Variants in NT5DC3 observed in about 807,000 individuals in gnomAD.
NT5DC3 encodes 5'-nucleotidase domain containing 3, also known as 5'-nucleotidase domain-containing protein 3.
A neutral mutation model predicts 67.8 loss-of-function variants in NT5DC3; 42 were observed. The observed-to-expected ratio is 0.62, with a 90% CI of 0.48 to 0.80. The LOEUF (loss-of-function observed/expected upper bound fraction) is 0.80, where lower values mean the gene tolerates loss of function less well. Ranked by LOEUF, NT5DC3 falls within the 30% of genes least tolerant of loss-of-function variation. NT5DC3 has a pLI of 0.00. For synonymous variants in NT5DC3, 237 were observed against 255.6 expected, an observed-to-expected ratio of 0.93 and a Z score of 0.69; for missense variants, 570 against 696.4, an observed-to-expected ratio of 0.82 and a Z score of 2.04.
At chr12:103,814,281 A>C (rs1391706131) in intron 2 of NT5DC3, among the ~76,000 whole-genome samples, 3 of 152,210 alleles carry the variant, frequency 2.0e-5, no homozygotes, top group Non-Finnish European at 4.4e-5. Context: ...AACCCATGGA[A>C]GAACTTCCCA....
At chr12:103,779,439 G>C (rs1182670594) in intron 13 of NT5DC3, among the ~76,000 whole-genome samples, 1 of 152,210 alleles carries the variant, frequency 6.6e-6, no homozygotes, top group Non-Finnish European at 1.5e-5. Context: ...AAAGCCACTA[G>C]TTAGTTGGTA....
In NT5DC3 at chr12:103,793,498, A is replaced by G. The variant is rs1199167528; in HGVS notation, c.829T>C (p.Tyr277His). Reference sequence around the variant, plus strand: ...AACACTGCGCGGGTCTGCTCAGCATAGCAGATGTACTTTTCTAAGAGCAAG... The same window carrying G: ...AACACTGCGCGGGTCTGCTCAGCATGGCAGATGTACTTTTCTAAGAGCAAG... ...IEADIEKYIC[Y>H]AEQTRAVLAK... Residue 277 changes from tyrosine to histidine, a missense_variant, in exon 8 of 14, where the codon TAT becomes CAT. Tyr to His is a moderately conservative substitution (Grantham distance 83, BLOSUM62 2). Transcript: ENST00000392876. 9.9e-6 allele frequency: 16 copies of G among 1,613,256 alleles called. No homozygotes were observed. The highest frequency in any genetic ancestry group is 1.4e-5 in the Non-Finnish European group (16 of 1,179,418).
intron 9 of NT5DC3, among the ~76,000 whole-genome samples, chr12:103,791,019 C>A (rs914245895): frequency 6.6e-6 from 1 of 152,130 alleles, no homozygotes; most frequent in African/African-American, 2.4e-5. Context: ...CTGCATAATA[C>A]CCCCTCACAT....
chr12:103,747,995 CAAAA>C, the NT5DC3 span, among the ~76,000 whole-genome samples: 1 of 96,760 alleles, frequency 1.0e-5, no homozygotes, highest in South Asian at 4.6e-4. Flanking sequence ...ACTCTGTCTC[CAAAA>C]AAAAAAAAAA....
chr12:103,828,995 G>C (rs570774661), intron 1 of NT5DC3, among the ~76,000 whole-genome samples: 1 of 152,030 alleles, frequency 6.6e-6, no homozygotes, highest in Non-Finnish European at 1.5e-5. Flanking sequence ...CACTGAACCC[G>C]GCCTCTCCTG....
At chr12:103,786,471 G>A (rs759723317) in intron 11 of NT5DC3, among the ~76,000 whole-genome samples, 1 of 152,198 alleles carries the variant, frequency 6.6e-6, no homozygotes, top group Non-Finnish European at 1.5e-5. Context: ...GATGTCTTCA[G>A]AGGTGGGCTG....
chr12:103,796,622 G>A lies in NT5DC3; in HGVS notation c.753+272C>T, dbSNP rs549079930. ...CATCATCCCTTTGGCCAAGTGCACC[G>A]GCCCTGGCCTTGGCCTTCTGGTCAG... On this transcript the variant is annotated intron_variant, in intron 6 of 13. Transcript: ENST00000392876. 1.1e-4 allele frequency among the ~76,000 whole-genome samples: 17 copies of A among 152,326 alleles called. No homozygotes were observed. The East Asian group carries it at 2.5e-3, about 22-fold the overall frequency.
intron 1 of NT5DC3, among the ~76,000 whole-genome samples, chr12:103,826,262 G>A (rs751395074): frequency 7.2e-5 from 11 of 152,198 alleles, no homozygotes; most frequent in African/African-American, 2.7e-4. Context: ...AGATATCCAC[G>A]TCCTAATCCC....
At chr12:103,766,174 G>A (rs552972176), downstream of NT5DC3, 102 of 1,378,700 alleles carry the variant, frequency 7.4e-5, 1 homozygote, top group South Asian at 9.4e-4. Flanking sequence ...CAGCACATAC[G>A]TGTTCACAGT....
chr12:103,758,977 C>G, the NT5DC3 span, among the ~76,000 whole-genome samples: 1 of 152,208 alleles, frequency 6.6e-6, no homozygotes, highest in African/African-American at 2.4e-5. Context: ...CCCAGACAAC[C>G]AGAAGCCTAA....
At chr12:103,809,222 C>T (rs1216546704) in intron 2 of NT5DC3, among the ~76,000 whole-genome samples, 1 of 152,208 alleles carries the variant, frequency 6.6e-6, no homozygotes, top group Non-Finnish European at 1.5e-5. Context: ...TTTGCAGTTA[C>T]GAGTGGAGCA....
At chr12:103,778,741 G>C (rs11111765) in intron 13 of NT5DC3, among the ~76,000 whole-genome samples, 35,892 of 151,886 alleles carry the variant, frequency 0.24, 4,800 homozygotes, top group South Asian at 0.46. Context: ...GGGTGGTTGA[G>C]GCTGCAGTGA....
At chr12:103,759,776 G>A in the NT5DC3 span, among the ~76,000 whole-genome samples, 1 of 152,102 alleles carries the variant, frequency 6.6e-6, no homozygotes, top group Non-Finnish European at 1.5e-5. Flanking sequence ...ACCCTCTTAG[G>A]GTCTGTGGCT....
intron 4 of NT5DC3, among the ~76,000 whole-genome samples, chr12:103,803,869 C>A (rs200115923): frequency 1.2e-4 from 12 of 98,406 alleles, no homozygotes; most frequent in African/African-American, 1.8e-4. Flanking sequence ...ACCCCCCCCC[C>A]AAAAAAATGT....
intron 11 of NT5DC3, among the ~76,000 whole-genome samples, chr12:103,786,129 G>C (rs549342346): frequency 6.6e-6 from 1 of 152,164 alleles, no homozygotes; most frequent in African/African-American, 2.4e-5. Flanking sequence ...CAAAAAAACT[G>C]AGAAATCCCA....
chr12:103,840,429 C>T (rs79596501), intron 1 of NT5DC3, among the ~76,000 whole-genome samples: 132 of 82,316 alleles, frequency 1.6e-3, no homozygotes, highest in South Asian at 3.6e-3. Flanking sequence ...TCATTCCATC[C>T]CATTCCATCC....
At chr12:103,817,250 C>CA (rs1887302751) in intron 1 of NT5DC3, among the ~76,000 whole-genome samples, 2 of 151,938 alleles carry the variant, frequency 1.3e-5, no homozygotes, top group African/African-American at 2.4e-5. Context: ...TTTCAAAAGA[C>CA]AAAAAAATGT....
chr12:103,763,967 G>A, the NT5DC3 span: 4 of 172,796 alleles, frequency 2.3e-5, no homozygotes, highest in African/African-American at 9.5e-5. Context: ...GATGGAAAAA[G>A]GATTTTTCCT....
In NT5DC3 at chr12:103,777,991, GC is replaced by G; in HGVS notation, c.1484del (p.Arg495ProfsTer10). 1.2e-6 allele frequency: 2 copies of G among 1,614,236 alleles called. No individual in the cohort carries two copies. Among genetic ancestry groups the G allele is most frequent in the Non-Finnish European group, 8.5e-7 (1 of 1,180,040 alleles). On this transcript the variant is annotated frameshift_variant, in exon 14 of 14. Transcript: ENST00000392876. LOFTEE classifies it high-confidence loss of function. ...GAGACGCCATGTAGATGTCAGCGAAGCGCGACAGGCGCCTTAGGAAGTAGGT... is the reference window on the plus strand; with the variant it reads ...GAGACGCCATGTAGATGTCAGCGAAGGCGACAGGCGCCTTAGGAAGTAGGT... Reference protein sequence around the residue: ...NPTYFLRRLSRFADIYMASLS... With the variant: ...NPTYFLRRLSXFADIYMASLS...
Sources: gnomAD v4.1 joint callset for allele counts (sites outside exome capture counted in the v4.1 genomes callset) on GRCh38, gnomAD v4.1.1 for gene constraint, MANE v1.5 for transcripts, NCBI Gene and HGNC (gene_info 2026-07-23, HGNC 2026-07-21) for gene names.